Variants in GPC5 observed in about 807,000 individuals in gnomAD.
The protein encoded by GPC5 is glypican-5.
A neutral mutation model predicts 53.9 loss-of-function variants in GPC5; 47 were observed. The observed-to-expected ratio is 0.87, with a 90% CI of 0.69 to 1.11. The LOEUF (loss-of-function observed/expected upper bound fraction) is 1.11. Among genes scored for constraint, GPC5 ranks in the 50% most tolerant of loss-of-function variants. The pLI is 0.00. For synonymous variants in GPC5, 286 were observed against 263.3 expected (o/e 1.09, Z -0.84); for missense variants, 748 against 713.1 (o/e 1.05, Z -0.56).
At chr13:91,728,467 A>G (rs1465514746) in intron 3 of GPC5, 65 bp from the exon 4 acceptor site, 1 of 1,515,498 alleles carries the variant, frequency 6.6e-7, no homozygotes, top group African/African-American at 1.4e-5. Flanking sequence ...GCCCTATGAA[A>G]CATCACATTC....
At chr13:91,500,942 G>C (rs1884589518) in intron 2 of GPC5, among the ~76,000 whole-genome samples, 1 of 152,066 alleles carries the variant, frequency 6.6e-6, no homozygotes, top group Non-Finnish European at 1.5e-5. Context: ...CCTTTCGCTT[G>C]GTTCTCATTT....
At chr13:92,518,764 A>C (rs1411952184) in intron 7 of GPC5, among the ~76,000 whole-genome samples, 2 of 152,220 alleles carry the variant, frequency 1.3e-5, no homozygotes, top group Non-Finnish European at 2.9e-5. Context: ...ACAGGATCAA[A>C]TTCACACATA....
At position 92,421,437 on chromosome 13, in the gene GPC5, C is replaced by T. The variant is rs1876554920; in HGVS notation, c.1561+276448C>T. 1.3e-5 allele frequency among the ~76,000 whole-genome samples: 2 copies of T among 152,094 alleles called. 1 individual carries two copies. The highest frequency in any genetic ancestry group is 2.9e-5 in the Non-Finnish European group (2 of 68,022). On this transcript the variant is annotated intron_variant, in intron 7 of 7. Coordinates refer to ENST00000377067, the MANE Select transcript of GPC5 (RefSeq NM_004466.6). ...AGGTTTGGCCGGGCGCGGTGGCTCA[C>T]GCCTGTAATCCCAGCACTTTGGGAG...
intron 7 of GPC5, among the ~76,000 whole-genome samples, chr13:92,859,860 A>C (rs72642621): frequency 0.13 from 20,095 of 152,140 alleles, 1,704 homozygotes; most frequent in East Asian, 0.36. Flanking sequence ...AAAATCAATA[A>C]AGCAAACTTA....
chr13:91,544,564 G>A (rs999634734), intron 2 of GPC5, among the ~76,000 whole-genome samples: 13 of 152,080 alleles, frequency 8.5e-5, no homozygotes, highest in Non-Finnish European at 1.5e-4. Flanking sequence ...CTAAATTGTT[G>A]TTCAAAAAGT....
intron 7 of GPC5, among the ~76,000 whole-genome samples, chr13:92,755,080 T>C (rs1326763044): frequency 6.6e-6 from 1 of 151,100 alleles, no homozygotes; most frequent in Non-Finnish European, 1.5e-5. Context: ...TACTTGGAAG[T>C]AAAGCTCTCC....
chr13:91,871,834 C>A (rs2039148325), intron 5 of GPC5, among the ~76,000 whole-genome samples: 2 of 151,754 alleles, frequency 1.3e-5, no homozygotes, highest in South Asian at 4.2e-4. Context: ...TAGTGCAGAG[C>A]CTACAACTGC....
chr13:92,536,165 C>T (rs1000902412), intron 7 of GPC5, among the ~76,000 whole-genome samples: 11 of 151,988 alleles, frequency 7.2e-5, no homozygotes, highest in African/African-American at 2.4e-4. Flanking sequence ...CACCAATATG[C>T]GGTATTATTC....
intron 7 of GPC5, among the ~76,000 whole-genome samples, chr13:92,287,341 C>T (rs2042963110): frequency 6.6e-6 from 1 of 152,094 alleles, no homozygotes; most frequent in Non-Finnish European, 1.5e-5. Context: ...TGTGGTTGTT[C>T]TGTGGCGTGT....
rs67507888 is a variant in GPC5 at position 91,650,750 on chromosome 13, G to GTTTTTTTTTTTTT, written c.326-42427_326-42415dup. ...CATCTGTGAAACAAAATTCCCATAA[G>GTTTTTTTTTTTTT]TTTTTTTTTTTTTTTTTTTTTTAGC... On this transcript the variant is annotated intron_variant, in intron 2 of 7. Coordinates refer to ENST00000377067, the MANE Select transcript of GPC5 (RefSeq NM_004466.6). Among the ~76,000 whole-genome samples the GTTTTTTTTTTTTT allele has an allele frequency of 6.0e-3, 595 of 99,536 alleles. 27 individuals carry two copies. The highest frequency in any genetic ancestry group is 0.023 in the African/African-American group (568 of 24,608). The allele number at this position is 99,536 out of a possible 152,430, so 65.3% of individuals were successfully genotyped here.
intron 7 of GPC5, among the ~76,000 whole-genome samples, chr13:92,777,039 A>G (rs887902201): frequency 6.6e-6 from 1 of 150,476 alleles, no homozygotes; most frequent in African/African-American, 2.4e-5. Flanking sequence ...AAAAAAAAAA[A>G]AAAAAAAAAA....
At chr13:92,613,134 C>G (rs1440556640) in intron 7 of GPC5, among the ~76,000 whole-genome samples, 2 of 148,070 alleles carry the variant, frequency 1.4e-5, no homozygotes, top group Admixed American at 1.4e-4. Flanking sequence ...AATTAAACTT[C>G]CAAAATGATT....
At chr13:92,021,706 C>T (rs886857160) in intron 6 of GPC5, among the ~76,000 whole-genome samples, 1 of 152,116 alleles carries the variant, frequency 6.6e-6, no homozygotes, top group African/African-American at 2.4e-5. Context: ...CTGTCAATAG[C>T]CTAACAATAG....
At chr13:92,408,651 CACAT>C (rs1457124485) in intron 7 of GPC5, among the ~76,000 whole-genome samples, 3 of 146,438 alleles carry the variant, frequency 2.0e-5, no homozygotes, top group African/African-American at 5.2e-5. Flanking sequence ...CACACACACA[CACAT>C]ATAATACATA....
intron 2 of GPC5, among the ~76,000 whole-genome samples, chr13:91,603,989 A>G: frequency 6.7e-6 from 1 of 148,312 alleles, no homozygotes; most frequent in South Asian, 2.1e-4. Flanking sequence ...TTTAGGGTAC[A>G]TGTGCACATT....
chr13:92,765,532 G>C (rs960137388), intron 7 of GPC5, among the ~76,000 whole-genome samples: 1 of 152,306 alleles, frequency 6.6e-6, no homozygotes. Context: ...CACGGAGTGA[G>C]TGACATAACG....
intron 7 of GPC5, among the ~76,000 whole-genome samples, chr13:92,841,015 T>G (rs2138833396): frequency 6.6e-6 from 1 of 152,246 alleles, no homozygotes; most frequent in Non-Finnish European, 1.5e-5. Context: ...GTGGTATCTT[T>G]AGGGCTTTCT....
At chr13:91,425,887 G>A (rs1290920181) in intron 1 of GPC5, among the ~76,000 whole-genome samples, 1 of 152,152 alleles carries the variant, frequency 6.6e-6, no homozygotes, top group Non-Finnish European at 1.5e-5. Flanking sequence ...TGATCAAAAT[G>A]CTGATAGTGA....
At chr13:91,413,921 A>G (rs1349894215) in intron 1 of GPC5, among the ~76,000 whole-genome samples, 1 of 152,228 alleles carries the variant, frequency 6.6e-6, no homozygotes, top group Non-Finnish European at 1.5e-5. Flanking sequence ...AATTATTTCT[A>G]AAGTCATCTT....
Sources: gnomAD v4.1 joint callset for allele counts (sites outside exome capture counted in the v4.1 genomes callset) on GRCh38, gnomAD v4.1.1 for gene constraint, MANE v1.5 for transcripts, NCBI Gene and HGNC (gene_info 2026-07-23, HGNC 2026-07-21) for gene names.